Variants in BTAF1 observed in about 807,000 individuals in gnomAD.
BTAF1 encodes TATA-binding protein-associated factor 172.
Under a neutral mutation model 227.1 loss-of-function variants are expected in BTAF1, and 38 were observed. That is an observed-to-expected ratio of 0.17 (90% CI 0.13 to 0.22). The LOEUF (loss-of-function observed/expected upper bound fraction) is 0.22, where lower values mean the gene tolerates loss of function less well. Ranked by LOEUF, BTAF1 falls within the 10% of genes least tolerant of loss-of-function variation. BTAF1 has a pLI of 1.00. For synonymous variants in BTAF1, 742 were observed against 751.9 expected (o/e 0.99, Z 0.21); for missense variants, 1,598 against 2,204.0 (o/e 0.73, Z 5.51).
intron 25 of BTAF1, among the ~76,000 whole-genome samples, chr10:92,004,517 G>A (rs1220435126): frequency 1.3e-5 from 2 of 152,162 alleles, no homozygotes; most frequent in East Asian, 1.9e-4. Context: ...GCCCAGGCTG[G>A]AGTGCAGTTG....
intron 6 of BTAF1, among the ~76,000 whole-genome samples, chr10:91,954,363 T>C (rs1002866806): frequency 6.6e-6 from 1 of 152,148 alleles, no homozygotes; most frequent in Admixed American, 6.5e-5. Flanking sequence ...AAATAGCCAA[T>C]GATAATCTAG....
At position 91,960,136 on chromosome 10, in the gene BTAF1, T is replaced by C. The variant is rs772901362; in HGVS notation, c.1245T>C (p.Tyr415=). Residue 415 remains tyrosine, a synonymous_variant, in exon 11 of 38, where the codon TAT becomes TAC. Transcript: ENST00000265990. The part of the protein sequence containing the change: ...VRHGGLLGIK[Y]ALAVRQDVIN... ...ATGGTGGTCTGCTGGGAATAAAATA[T>C]GCTTTGGCAGTCCGTCAGGTAAATA... is the stretch of plus-strand genomic sequence containing the variant. The C allele has an allele frequency of 8.7e-6, 14 of 1,612,754 alleles. No individual in the cohort carries two copies. Among genetic ancestry groups the C allele is most frequent in the Middle Eastern group, 1.6e-4 (1 of 6,078 alleles).
At chr10:91,958,184 G>A (rs1008952182) in intron 8 of BTAF1, among the ~76,000 whole-genome samples, 1 of 151,992 alleles carries the variant, frequency 6.6e-6, no homozygotes, top group Non-Finnish European at 1.5e-5. Flanking sequence ...GAGTAGCTGG[G>A]ACTACAGGTG....
chr10:92,001,866 A>G (rs1849551214), intron 25 of BTAF1, among the ~76,000 whole-genome samples: 1 of 151,110 alleles, frequency 6.6e-6, no homozygotes, highest in African/African-American at 2.4e-5. Context: ...TAACACCAGC[A>G]CTTTGGGAGG....
intron 7 of BTAF1, 125 bp from the exon 8 acceptor site, chr10:91,957,096 TAAAA>T (rs751329079): frequency 5.2e-6 from 3 of 579,096 alleles, no homozygotes; most frequent in Non-Finnish European, 5.9e-6. Context: ...CTTAATTAGT[TAAAA>T]AAATTAAATT....
intron 1 of BTAF1, among the ~76,000 whole-genome samples, chr10:91,932,217 A>T (rs1301558057): frequency 6.6e-6 from 1 of 152,196 alleles, no homozygotes; most frequent in East Asian, 1.9e-4. Flanking sequence ...GATGGAAATT[A>T]TTGAAGGAAT....
At chr10:92,020,749 A>C (rs1173025824) in intron 34 of BTAF1, among the ~76,000 whole-genome samples, 1 of 152,206 alleles carries the variant, frequency 6.6e-6, no homozygotes, top group East Asian at 1.9e-4. Flanking sequence ...GGTTTTCCTA[A>C]CATAGCTAGT....
intron 1 of BTAF1, among the ~76,000 whole-genome samples, chr10:91,928,763 C>T (rs1318735382): frequency 5.9e-4 from 3 of 5,100 alleles, no homozygotes; most frequent in Non-Finnish European, 2.2e-3. Context: ...GAATCCATCC[C>T]CCCCCCCCCC....
At chr10:91,957,660 C>T (rs1042071711) in intron 8 of BTAF1, among the ~76,000 whole-genome samples, 9 of 152,314 alleles carry the variant, frequency 5.9e-5, no homozygotes, top group Middle Eastern at 3.4e-3. Flanking sequence ...TAGAGAACAT[C>T]TTGAACAGTT....
rs747807454 is a variant in BTAF1, at chr10:91,924,065, C to T, written c.-12C>T. The T allele has an allele frequency of 6.2e-7, 1 of 1,607,792 alleles. No individual in the cohort carries two copies. Among genetic ancestry groups the T allele is most frequent in the Non-Finnish European group, 8.5e-7 (1 of 1,178,198 alleles). On this transcript the variant is annotated 5_prime_UTR_variant, in exon 1 of 38. Coordinates refer to ENST00000265990, the MANE Select transcript of BTAF1 (RefSeq NM_003972.3). ...TAGGTCGCGGGGAGCTCCGAACCGCCGGCGCCCGGCCATGGCGGTCTCCAG... is the reference window on the plus strand; with the variant it reads ...TAGGTCGCGGGGAGCTCCGAACCGCTGGCGCCCGGCCATGGCGGTCTCCAG...
At chr10:91,946,970 A>G (rs1249019603) in intron 4 of BTAF1, among the ~76,000 whole-genome samples, 2 of 151,760 alleles carry the variant, frequency 1.3e-5, no homozygotes, top group African/African-American at 2.4e-5. Flanking sequence ...TTCTTCCTGC[A>G]GTAGCTGGGA....
At chr10:91,996,327 A>T in intron 23 of BTAF1, 42 bp from the exon 24 acceptor site, 1 of 1,558,760 alleles carries the variant, frequency 6.4e-7, no homozygotes, top group Non-Finnish European at 8.8e-7. Flanking sequence ...ATTAAACAGT[A>T]TTTCCTAATA....
Position 91,992,098 on chromosome 10 carries a change from G to A in BTAF1, c.2855-21G>A, listed in dbSNP as rs1451395129. Reference sequence around the variant, plus strand: ...TCACCAATATTATGATTAAAAGGTTGTTTAACTTTTTTCTTATTAGGATCC... The same window carrying A: ...TCACCAATATTATGATTAAAAGGTTATTTAACTTTTTTCTTATTAGGATCC... On this transcript the variant is annotated intron_variant, in intron 20 of 37. Coordinates refer to ENST00000265990, the MANE Select transcript of BTAF1 (RefSeq NM_003972.3). 2.0e-6 allele frequency: 3 copies of A among 1,536,382 alleles called. No individual in the cohort carries two copies. In the South Asian group the frequency reaches 3.8e-5, roughly 20 times the overall value.
At chr10:91,981,079 G>A (rs1244609727) in intron 15 of BTAF1, among the ~76,000 whole-genome samples, 4 of 152,134 alleles carry the variant, frequency 2.6e-5, no homozygotes, top group East Asian at 1.9e-4. Flanking sequence ...TGAATTGTTG[G>A]CCTCTAAAGT....
Position 91,989,530 on chromosome 10 carries a change from C to G in BTAF1, c.2804C>G (p.Pro935Arg), listed in dbSNP as rs769690960. 1.2e-6 allele frequency: 2 copies of G among 1,613,338 alleles called. No homozygotes were observed. The highest frequency in any genetic ancestry group is 1.7e-6 in the Non-Finnish European group (2 of 1,179,864). The change falls in exon 20 of 38, where the codon CCT (proline) becomes CGT (arginine). Residue 935 changes from proline to arginine, a missense_variant. Pro to Arg is a moderately radical substitution (Grantham distance 103, BLOSUM62 -2). Coordinates refer to ENST00000265990, the MANE Select transcript of BTAF1 (RefSeq NM_003972.3). Reference protein sequence around the residue: ...SSLCVDPYLTPCVTCPVPTQS... With the variant: ...SSLCVDPYLTRCVTCPVPTQS... ...CTTTGTGTGGACCCATATCTAACTC[C>G]TTGTGTCACATGTCCAGTACCAACA... is the stretch of plus-strand genomic sequence containing the variant.
At chr10:91,997,825 A>C (rs1849243069) in intron 25 of BTAF1, 74 bp downstream of exon 25, 2 of 1,479,614 alleles carry the variant, frequency 1.4e-6, no homozygotes, top group East Asian at 4.6e-5. Flanking sequence ...AACCCTTTTT[A>C]GGGCCAGGTA....
Position 92,024,744 on chromosome 10 carries a change from T to TTTTTTTTTC in BTAF1, c.4864-10_4864-9insTTTTTTCTT, listed in dbSNP as rs756408524. 6 of 1,578,132 alleles carry TTTTTTTTTC rather than the reference T, an allele frequency of 3.8e-6. No homozygotes were observed. Among genetic ancestry groups the TTTTTTTTTC allele is most frequent in the Admixed American group, 1.9e-5 (1 of 51,310 alleles). On this transcript the variant is annotated splice_polypyrimidine_tract_variant and intron_variant, in intron 34 of 37. Coordinates refer to ENST00000265990, the MANE Select transcript of BTAF1 (RefSeq NM_003972.3). ...GAACGCTTATGTAGTTTTTTTTTTT[T>TTTTTTTTTC]TTCTTCCTAAGTTGCTGTTGGACTG...
intron 14 of BTAF1, among the ~76,000 whole-genome samples, chr10:91,971,909 T>A (rs1181009114): frequency 6.6e-6 from 1 of 151,932 alleles, no homozygotes; most frequent in Non-Finnish European, 1.5e-5. Flanking sequence ...ACACCATCCA[T>A]AATTGACATT....
Position 91,994,565 on chromosome 10 carries a change from G to A in BTAF1, c.3230G>A (p.Ser1077Asn). The A allele has an allele frequency of 1.2e-6, 2 of 1,613,764 alleles. No individual in the cohort carries two copies. Among genetic ancestry groups the A allele is most frequent in the Non-Finnish European group, 1.7e-6 (2 of 1,179,722 alleles). The change falls in exon 23 of 38, where the codon AGC (serine) becomes AAC (asparagine). Residue 1077 changes from serine to asparagine, a missense_variant. By Grantham distance (46) the Ser-to-Asn change is conservative (BLOSUM62 1). Around this residue, in one of 10 missense-constraint regions of BTAF1, gnomAD observed 425 missense variants for 491.2 expected, o/e 0.87. Transcript: ENST00000265990. ...DGKSLLDKGD[S>N]PAQELVNSLQ... ...AAATCCCTCCTGGATAAGGGAGATA[G>A]CCCTGCTCAAGAATTGGTGAATTCT...
Sources: allele counts gnomAD v4.1 joint callset (sites outside exome capture counted in the v4.1 genomes callset), GRCh38; gene constraint gnomAD v4.1.1; regional missense constraint gnomAD v4.1.1; transcripts MANE v1.5; gene names NCBI Gene and HGNC (gene_info 2026-07-23, HGNC 2026-07-21).